SLC24A2: variants seen among roughly 807,000 people sequenced by gnomAD.
SLC24A2 encodes the protein solute carrier family 24 member 2.
Under a neutral mutation model 62.0 loss-of-function variants are expected in SLC24A2, and 36 were observed. The ratio of observed to expected loss-of-function variants is 0.58; its 90% confidence interval spans 0.44 to 0.77. The LOEUF is 0.77. Ranked by LOEUF, SLC24A2 falls within the 30% of genes least tolerant of loss-of-function variation. The pLI, the probability that SLC24A2 is intolerant of heterozygous loss-of-function variation, is 0.00. For synonymous variants in SLC24A2, 358 were observed against 294.0 expected (o/e 1.22, Z -2.23); for missense variants, 846 against 817.9 (o/e 1.03, Z -0.42).
intron 9 of SLC24A2, among the ~76,000 whole-genome samples, chr9:19,521,811 T>A (rs1488937825): frequency 6.6e-6 from 1 of 152,138 alleles, no homozygotes; most frequent in Non-Finnish European, 1.5e-5. Flanking sequence ...AGACTCTTTG[T>A]GAATAGTACA....
chr9:20,155,019 C>T, the SLC24A2 span, among the ~76,000 whole-genome samples: 1 of 151,404 alleles, frequency 6.6e-6, no homozygotes, highest in East Asian at 2.0e-4. Flanking sequence ...CACTGATATT[C>T]CCAATATCAA....
intron 8 of SLC24A2, among the ~76,000 whole-genome samples, chr9:19,539,042 G>A (rs200399923): frequency 6.3e-5 from 5 of 79,490 alleles, no homozygotes; most frequent in South Asian, 5.6e-4. Flanking sequence ...TGTGGGATCG[G>A]TGGTGATATC....
chr9:19,830,544 G>A, the SLC24A2 span, among the ~76,000 whole-genome samples: 3 of 152,100 alleles, frequency 2.0e-5, no homozygotes, highest in Non-Finnish European at 4.4e-5. Context: ...TCATTCATTC[G>A]AAACCTCAAT....
chr9:19,895,550 T>TTTCTTTC, the SLC24A2 span, among the ~76,000 whole-genome samples: 2 of 23,326 alleles, frequency 8.6e-5, no homozygotes, highest in Admixed American at 4.2e-4. Flanking sequence ...TTCTTTCTTT[T>TTTCTTTC]TTTTTTTTTT....
In SLC24A2 at chr9:19,632,451, G is replaced by A. The variant is rs1008179283; in HGVS notation, c.931-10152C>T. Among the ~76,000 whole-genome samples the A allele has an allele frequency of 2.0e-5, 3 of 152,110 alleles. No homozygotes were observed. Among genetic ancestry groups the A allele is most frequent in the Admixed American group, 6.5e-5 (1 of 15,276 alleles). ...AAATAGCCCAAATCCTTGCTTTCAC[G>A]GAGTGTATATTCTAGCCTAGATCTC... On this transcript the variant is annotated intron_variant, in intron 2 of 10. Transcript: ENST00000341998. This position sits in a 1 kb window ranked among gnomAD's most constrained non-coding sequence, Gnocchi z 4.5.
chr9:20,080,826 C>T, the SLC24A2 span, among the ~76,000 whole-genome samples: 1 of 151,992 alleles, frequency 6.6e-6, no homozygotes, highest in African/African-American at 2.4e-5. Context: ...AGGATATGAA[C>T]AGACACTTCT....
intron 4 of SLC24A2, among the ~76,000 whole-genome samples, chr9:19,611,591 T>C: frequency 6.6e-6 from 1 of 152,004 alleles, no homozygotes; most frequent in Admixed American, 6.6e-5. Flanking sequence ...TGGGGTGTGA[T>C]CTGACTTACA....
chr9:19,903,594 G>C, the SLC24A2 span, among the ~76,000 whole-genome samples: 1 of 152,202 alleles, frequency 6.6e-6, no homozygotes, highest in Non-Finnish European at 1.5e-5. Context: ...CAAGAAAAGA[G>C]ACAGAGGTAG....
At chr9:19,551,427 G>T (rs1331600563) in intron 7 of SLC24A2, among the ~76,000 whole-genome samples, 2 of 152,100 alleles carry the variant, frequency 1.3e-5, no homozygotes, top group African/African-American at 4.8e-5. Context: ...GGCCCAGCAG[G>T]GGGTGACCGT....
the SLC24A2 span, among the ~76,000 whole-genome samples, chr9:20,153,608 T>C: frequency 2.0e-5 from 3 of 151,874 alleles, no homozygotes; most frequent in African/African-American, 7.2e-5. Flanking sequence ...AAAATTGTAA[T>C]TATTGTTCTA....
the SLC24A2 span, among the ~76,000 whole-genome samples, chr9:19,991,592 G>C: frequency 1.2e-4 from 19 of 152,232 alleles, no homozygotes; most frequent in African/African-American, 4.1e-4. Context: ...TGGGTGCCTT[G>C]AAACATATCT....
intron 4 of SLC24A2, among the ~76,000 whole-genome samples, chr9:19,602,901 A>G (rs1836878902): frequency 1.3e-5 from 2 of 152,228 alleles, no homozygotes; most frequent in Admixed American, 1.3e-4. Flanking sequence ...TTCAATAAAT[A>G]TTAGTTATTC....
At chr9:20,147,126 C>A in the SLC24A2 span, among the ~76,000 whole-genome samples, 1 of 152,136 alleles carries the variant, frequency 6.6e-6, no homozygotes, top group Admixed American at 6.6e-5. Context: ...TGTTAAAGAA[C>A]AGAGAAATGC....
At chr9:19,861,747 A>C in the SLC24A2 span, among the ~76,000 whole-genome samples, 1 of 152,168 alleles carries the variant, frequency 6.6e-6, no homozygotes, top group Non-Finnish European at 1.5e-5. Flanking sequence ...TGAAATAATT[A>C]AAAGGAATCA....
chr9:20,234,475 T>G, the SLC24A2 span, among the ~76,000 whole-genome samples: 6 of 152,228 alleles, frequency 3.9e-5, no homozygotes, highest in Admixed American at 1.3e-4. Context: ...ATTTCATTCA[T>G]TTCGTCTTCC....
chr9:20,063,647 AAAAAAT>A, the SLC24A2 span, among the ~76,000 whole-genome samples: 3 of 152,168 alleles, frequency 2.0e-5, no homozygotes, highest in African/African-American at 4.8e-5. Context: ...TATAATAATA[AAAAAAT>A]AAAAATAAAA....
the SLC24A2 span, among the ~76,000 whole-genome samples, chr9:20,211,823 G>C: frequency 6.6e-6 from 1 of 151,280 alleles, no homozygotes; most frequent in African/African-American, 2.5e-5. Flanking sequence ...CAAAATATTT[G>C]TGTTTGTGTT....
At chr9:20,161,661 C>A in the SLC24A2 span, among the ~76,000 whole-genome samples, 1 of 151,176 alleles carries the variant, frequency 6.6e-6, no homozygotes, top group Non-Finnish European at 1.5e-5. Flanking sequence ...AAATTTGACA[C>A]CCATTCCTAA....
chr9:20,244,724 G>A, the SLC24A2 span, among the ~76,000 whole-genome samples: 4 of 152,326 alleles, frequency 2.6e-5, 1 homozygote, highest in South Asian at 4.1e-4. Context: ...AAATTATGAT[G>A]GGGAAGCATC....
Sources: allele counts gnomAD v4.1 joint callset (sites outside exome capture counted in the v4.1 genomes callset), GRCh38; gene constraint gnomAD v4.1.1; non-coding constraint Gnocchi (gnomAD v3.1); transcripts MANE v1.5; gene names NCBI Gene and HGNC (gene_info 2026-07-23, HGNC 2026-07-21).